The following ARID1B variants were observed in gnomAD, a reference collection of about 807,000 sequenced individuals.
ARID1B encodes AT-rich interaction domain 1B.
A neutral mutation model predicts 212.3 loss-of-function variants in ARID1B; 30 were observed. The observed-to-expected ratio is 0.14, with a 90% CI of 0.11 to 0.19. ARID1B has a LOEUF of 0.19. Among genes scored for constraint, ARID1B ranks in the 10% least tolerant of loss-of-function variants. The pLI is 1.00. For missense variants in ARID1B, 2,891 were observed against 3,204.0 expected, an observed-to-expected ratio of 0.90 and a Z score of 2.36; for synonymous variants, 1,402 against 1,301.7, an observed-to-expected ratio of 1.08 and a Z score of -1.66.
intron 4 of ARID1B, among the ~76,000 whole-genome samples, chr6:157,038,183 G>A (rs1046898199): frequency 6.6e-6 from 1 of 152,134 alleles, no homozygotes; most frequent in Admixed American, 6.5e-5. Context: ...ATATAGAGGT[G>A]TAGAAGTATA....
At position 157,201,388 on chromosome 6, in the gene ARID1B, A is replaced by G; in HGVS notation, c.5163A>G (p.Gln1721=). The G allele has an allele frequency of 1.2e-6, 2 of 1,602,592 alleles. No homozygotes were observed. The highest frequency in any genetic ancestry group is 1.1e-5 in the South Asian group (1 of 89,794). ...CCCAGGTCACCGGGCCACCACCCCA[A>G]CCACCCCCAATCAGAAGGGAGATCA... The part of the protein sequence containing the change: ...PTSQVTGPPP[Q]PPPIRREITF... The change falls in exon 18 of 20, where the codon CAA becomes CAG. Residue 1721 remains glutamine (Q), a synonymous_variant. Coordinates refer to ENST00000636930, the MANE Select transcript of ARID1B (RefSeq NM_001374828.1). The surrounding 1 kb of genome is among the most constrained non-coding windows in gnomAD (Gnocchi z 5.2).
At chr6:157,154,580 G>GTTTTTTTTTTTTTT (rs1274752634) in intron 8 of ARID1B, among the ~76,000 whole-genome samples, 16 of 111,576 alleles carry the variant, frequency 1.4e-4, no homozygotes, top group African/African-American at 1.8e-4. Context: ...TTTTTTTTTT[G>GTTTTTTTTTTTTTT]TTTTTTTTTT....
At chr6:157,139,883 C>T (rs894776556) in intron 7 of ARID1B, among the ~76,000 whole-genome samples, 2 of 151,688 alleles carry the variant, frequency 1.3e-5, no homozygotes, top group Non-Finnish European at 2.9e-5. Context: ...CCACCATACC[C>T]AGCTAATTTT....
chr6:156,960,150 C>T (rs139055008), intron 4 of ARID1B, among the ~76,000 whole-genome samples: 32 of 152,080 alleles, frequency 2.1e-4, no homozygotes, highest in South Asian at 6.2e-4. Context: ...AGGCTGGTCT[C>T]GAACTACTGA....
At chr6:156,881,754 G>A (rs565536752) in intron 2 of ARID1B, among the ~76,000 whole-genome samples, 1 of 152,310 alleles carries the variant, frequency 6.6e-6, no homozygotes, top group Admixed American at 6.5e-5. Context: ...TGGGGCTACA[G>A]TATTCGATTT....
At chr6:156,824,059 A>G (rs1782576089) in intron 1 of ARID1B, among the ~76,000 whole-genome samples, 1 of 152,212 alleles carries the variant, frequency 6.6e-6, no homozygotes. Context: ...GCTTAGAAGA[A>G]TCTATATACA....
intron 5 of ARID1B, among the ~76,000 whole-genome samples, chr6:157,106,746 G>A (rs990708016): frequency 3.9e-5 from 6 of 152,144 alleles, no homozygotes; most frequent in African/African-American, 1.4e-4. Flanking sequence ...ATTACTCACC[G>A]GTGTTACTCA....
chr6:156,830,555 T>C (rs940820774), intron 2 of ARID1B, among the ~76,000 whole-genome samples: 3 of 152,318 alleles, frequency 2.0e-5, no homozygotes, highest in African/African-American at 7.2e-5. Context: ...TCGATCTGTA[T>C]TGTGATTTAT....
intron 4 of ARID1B, chr6:156,976,482 T>G: frequency 5.7e-6 from 1 of 174,008 alleles, no homozygotes; most frequent in Non-Finnish European, 1.2e-5. Context: ...GGATTTTGAG[T>G]TCTTAACCAG....
At chr6:156,799,136 TC>T (rs1780599211) in intron 1 of ARID1B, among the ~76,000 whole-genome samples, 1 of 152,160 alleles carries the variant, frequency 6.6e-6, no homozygotes, top group African/African-American at 2.4e-5. Context: ...CAAAGGGAAA[TC>T]AATTGTTTTG....
intron 4 of ARID1B, among the ~76,000 whole-genome samples, chr6:156,990,745 G>C (rs1778231655): frequency 6.6e-6 from 1 of 152,152 alleles, no homozygotes; most frequent in South Asian, 2.1e-4. Flanking sequence ...TCCTTCCTCA[G>C]CCTCCCAAAG....
At chr6:157,182,473 A>G (rs1792622604) in intron 12 of ARID1B, among the ~76,000 whole-genome samples, 1 of 152,166 alleles carries the variant, frequency 6.6e-6, no homozygotes, top group Admixed American at 6.5e-5. Context: ...TTCTGTGCCC[A>G]AGGTAATCTA....
At position 157,209,497 on chromosome 6, in the gene ARID1B, A is replaced by G; in HGVS notation, c.*1606A>G. On this transcript the variant is annotated 3_prime_UTR_variant, in exon 20 of 20. Coordinates refer to ENST00000636930, the MANE Select transcript of ARID1B (RefSeq NM_001374828.1). ...CAATTAACTCTAACGACATTGAGGT[A>G]TGATCATTTTCAGTATTTATGGGAG... is the stretch of plus-strand genomic sequence containing the variant. The G allele has an allele frequency of 4.3e-6, 1 of 233,006 alleles. No individual in the cohort carries two copies. The highest frequency in any genetic ancestry group is 5.6e-5 in the Admixed American group (1 of 17,798). The allele number at this position is 233,006 out of a possible 1,614,324, so 14.4% of individuals were successfully genotyped here.
chr6:156,966,570 T>A (rs1184184166), intron 4 of ARID1B, among the ~76,000 whole-genome samples: 1 of 152,056 alleles, frequency 6.6e-6, no homozygotes, highest in Non-Finnish European at 1.5e-5. Flanking sequence ...ATTTTCTGTA[T>A]TTTTAATAGA....
At chr6:156,996,652 G>A (rs564663483) in intron 4 of ARID1B, among the ~76,000 whole-genome samples, 61 of 152,274 alleles carry the variant, frequency 4.0e-4, no homozygotes, top group Middle Eastern at 3.4e-3. Context: ...TACTACTCTT[G>A]TGCTGCATTT....
At chr6:156,866,880 T>A (rs990896639) in intron 2 of ARID1B, among the ~76,000 whole-genome samples, 1 of 152,218 alleles carries the variant, frequency 6.6e-6, no homozygotes, top group Admixed American at 6.5e-5. Flanking sequence ...GTTGAAAAAC[T>A]CAGTTGATTT....
chr6:157,207,769 G>A lies in ARID1B; in HGVS notation c.6997G>A (p.Glu2333Lys), dbSNP rs756960968. The A allele has an allele frequency of 2.5e-6, 4 of 1,575,984 alleles. No homozygotes were observed. Among genetic ancestry groups the A allele is most frequent in the Non-Finnish European group, 3.5e-6 (4 of 1,157,012 alleles). ...KALLAMARVD[E>K]NRSEFLLHEG... ...TTTGCTAGCCATGGCCAGAGTGGAC[G>A]AAAACCGCTCGGAATTCCTTTTGCA... The change falls in exon 20 of 20, where the codon GAA becomes AAA. Residue 2333 changes from glutamate (E) to lysine (K), a missense_variant. Physicochemically the swap from Glu to Lys is moderately conservative, Grantham distance 56. Coordinates refer to ENST00000636930, the MANE Select transcript of ARID1B (RefSeq NM_001374828.1). This position sits in a 1 kb window ranked among gnomAD's most constrained non-coding sequence, Gnocchi z 8.5.
intron 3 of ARID1B, among the ~76,000 whole-genome samples, chr6:156,911,675 G>A (rs2128226703): frequency 6.6e-6 from 1 of 152,312 alleles, no homozygotes; most frequent in African/African-American, 2.4e-5. Context: ...ACAGAAAGCT[G>A]CCTATAACAC....
intron 3 of ARID1B, among the ~76,000 whole-genome samples, chr6:156,914,838 A>G (rs1250287216): frequency 6.6e-6 from 1 of 152,158 alleles, no homozygotes; most frequent in Non-Finnish European, 1.5e-5. Flanking sequence ...ATGTATGTCA[A>G]TCCATCCTTT....
Sources: allele counts gnomAD v4.1 joint callset (sites outside exome capture counted in the v4.1 genomes callset), GRCh38; gene constraint gnomAD v4.1.1; non-coding constraint Gnocchi (gnomAD v3.1); transcripts MANE v1.5; gene names NCBI Gene and HGNC (gene_info 2026-07-23, HGNC 2026-07-21).